The following PLS1 variants were observed in gnomAD, a reference collection of about 807,000 sequenced individuals.
PLS1 encodes plastin-1.
Under a neutral mutation model 73.7 loss-of-function variants are expected in PLS1, and 32 were observed. The ratio of observed to expected loss-of-function variants is 0.43; its 90% CI spans 0.33 to 0.58. PLS1 has a LOEUF of 0.58. PLS1 is among the 20% of genes least tolerant of loss of function. PLS1 has a pLI of 0.04. For synonymous variants in PLS1, 217 were observed against 261.3 expected, an observed-to-expected ratio of 0.83 and a Z score of 1.63; for missense variants, 633 against 740.5, an observed-to-expected ratio of 0.85 and a Z score of 1.68.
At position 142,637,895 on chromosome 3, in the gene PLS1, C is replaced by T. The variant is rs116799875; in HGVS notation, c.-36-26307C>T. On this transcript the variant is annotated intron_variant, in intron 1 of 15. Coordinates refer to ENST00000457734, the MANE Select transcript of PLS1 (RefSeq NM_001145319.2). ...CTCTATATATATATGAGATTTAGAG[C>T]TGCTTTAATGGCCAAGAACTCTTTC... is the stretch of plus-strand genomic sequence containing the variant. Among the ~76,000 whole-genome samples the T allele has an allele frequency of 4.6e-3, 691 of 151,672 alleles. 8 individuals are homozygous for T. Among genetic ancestry groups the T allele is most frequent in the African/African-American group, 0.016 (659 of 41,356 alleles).
At chr3:142,682,242 G>GTATA in intron 6 of PLS1, among the ~76,000 whole-genome samples, 1 of 152,194 alleles carries the variant, frequency 6.6e-6, no homozygotes, top group Non-Finnish European at 1.5e-5. Flanking sequence ...GAATCTTAGA[G>GTATA]TATAAACTGT....
At chr3:142,696,170 A>G (rs955418603) in intron 11 of PLS1, among the ~76,000 whole-genome samples, 31 of 152,228 alleles carry the variant, frequency 2.0e-4, no homozygotes, top group Non-Finnish European at 4.4e-5. Context: ...CTATAATTAA[A>G]GAGTAAGCTT....
chr3:142,654,606 G>A (rs2037178150), intron 1 of PLS1, among the ~76,000 whole-genome samples: 1 of 152,086 alleles, frequency 6.6e-6, no homozygotes, highest in Admixed American at 6.6e-5. Context: ...CTCTGGCCTT[G>A]GCCTCCCAAA....
At chr3:142,684,447 A>C (rs2037922505) in intron 8 of PLS1, 52 bp downstream of exon 8, 1 of 1,485,676 alleles carries the variant, frequency 6.7e-7, no homozygotes, top group Non-Finnish European at 9.2e-7. Context: ...TGTGCAGTGT[A>C]AAAATAAAAG....
chr3:142,601,871 T>C (rs2035933736), intron 1 of PLS1, among the ~76,000 whole-genome samples: 1 of 152,098 alleles, frequency 6.6e-6, no homozygotes, highest in Non-Finnish European at 1.5e-5. Flanking sequence ...ATAAAAGCAT[T>C]TATCTGAGGT....
chr3:142,669,268 T>A (rs964941143), intron 2 of PLS1, 122 bp from the exon 3 acceptor site: 2 of 566,378 alleles, frequency 3.5e-6, no homozygotes, highest in Admixed American at 3.2e-5. Context: ...AAAAGGTTAC[T>A]GCCACCTGTG....
chr3:142,647,268 T>C (rs1330613294), intron 1 of PLS1, among the ~76,000 whole-genome samples: 1 of 152,236 alleles, frequency 6.6e-6, no homozygotes, highest in African/African-American at 2.4e-5. Flanking sequence ...AAATCTATAT[T>C]GTATTGCATC....
intron 1 of PLS1, among the ~76,000 whole-genome samples, chr3:142,607,279 C>CAT (rs56864786): frequency 0.22 from 32,869 of 151,438 alleles, 4,410 homozygotes; most frequent in African/African-American, 0.39. Flanking sequence ...CTATTATTAA[C>CAT]ATATATATAT....
intron 1 of PLS1, among the ~76,000 whole-genome samples, chr3:142,621,797 C>G (rs925279001): frequency 1.3e-5 from 2 of 151,138 alleles, no homozygotes; most frequent in African/African-American, 4.9e-5. Flanking sequence ...ATTGGTTTTT[C>G]CTGTGAAGTG....
At chr3:142,645,111 C>T (rs1196781757) in intron 1 of PLS1, among the ~76,000 whole-genome samples, 1 of 152,110 alleles carries the variant, frequency 6.6e-6, no homozygotes, top group Non-Finnish European at 1.5e-5. Flanking sequence ...TAGTTGTATT[C>T]TTTAAGTAAA....
At chr3:142,651,117 C>T (rs573911061) in intron 1 of PLS1, among the ~76,000 whole-genome samples, 25 of 152,260 alleles carry the variant, frequency 1.6e-4, no homozygotes, top group Non-Finnish European at 3.1e-4. Context: ...GCTAATTTGA[C>T]AGAAGCATTT....
intron 1 of PLS1, among the ~76,000 whole-genome samples, chr3:142,625,658 G>C (rs140324428): frequency 6.6e-4 from 101 of 152,136 alleles, no homozygotes; most frequent in African/African-American, 2.2e-3. Context: ...TAATGTGTAG[G>C]TTATATATAC....
chr3:142,685,839 A>G (rs2037953232), intron 8 of PLS1, among the ~76,000 whole-genome samples: 1 of 152,228 alleles, frequency 6.6e-6, no homozygotes, highest in African/African-American at 2.4e-5. Context: ...CTATATATCC[A>G]TCTTTGGAGA....
At chr3:142,666,532 G>A (rs189046170) in intron 2 of PLS1, among the ~76,000 whole-genome samples, 1 of 152,132 alleles carries the variant, frequency 6.6e-6, no homozygotes, top group East Asian at 1.9e-4. Context: ...GCCACATTTT[G>A]CTTATCCATT....
chr3:142,628,704 T>C (rs1371176912), intron 1 of PLS1, among the ~76,000 whole-genome samples: 2 of 152,248 alleles, frequency 1.3e-5, no homozygotes, highest in South Asian at 2.1e-4. Flanking sequence ...TTCAAACTTA[T>C]TTCTTTCTTT....
chr3:142,691,355 A>G (rs2038083007), intron 10 of PLS1, among the ~76,000 whole-genome samples: 1 of 151,968 alleles, frequency 6.6e-6, no homozygotes, highest in African/African-American at 2.4e-5. Flanking sequence ...AGAGATTAGA[A>G]CTTGAAAAAA....
In PLS1 at chr3:142,712,153, T is replaced by C; in HGVS notation, c.*146T>C. 1 of 723,886 alleles carries C rather than the reference T, an allele frequency of 1.4e-6. No individual in the cohort carries two copies. Among genetic ancestry groups the C allele is most frequent in the Non-Finnish European group, 2.2e-6 (1 of 444,456 alleles). The allele number at this position is 723,886 out of a possible 1,614,324, so 44.8% of individuals were successfully genotyped here. ...ATTAATGAATTCAATATCCTGTTCA[T>C]ACTAGTTAGAGCTGGTCAGCCTTTT... is the stretch of plus-strand genomic sequence containing the variant. On this transcript the variant is annotated 3_prime_UTR_variant, in exon 16 of 16. Transcript: ENST00000457734.
intron 1 of PLS1, among the ~76,000 whole-genome samples, chr3:142,608,220 T>C (rs564501942): frequency 5.3e-5 from 8 of 152,310 alleles, no homozygotes; most frequent in African/African-American, 9.6e-5. Flanking sequence ...ACTTAAGATA[T>C]GTTTTCCTAA....
chr3:142,606,039 G>C (rs1015642081), intron 1 of PLS1, among the ~76,000 whole-genome samples: 2 of 152,192 alleles, frequency 1.3e-5, no homozygotes, highest in Admixed American at 6.5e-5. Flanking sequence ...TAAATAATGG[G>C]AGAACCCAAA....
Sources: gnomAD v4.1 joint callset for allele counts (sites outside exome capture counted in the v4.1 genomes callset) on GRCh38, gnomAD v4.1.1 for gene constraint, MANE v1.5 for transcripts, NCBI Gene and HGNC (gene_info 2026-07-23, HGNC 2026-07-21) for gene names.